Variants in NEK1 observed in about 807,000 individuals in gnomAD.
NEK1 encodes the protein NIMA related kinase 1, also known as serine/threonine-protein kinase Nek1.
NEK1 carries 137 observed loss-of-function variants against 182.1 expected under a neutral mutation model. The ratio of observed to expected loss-of-function variants is 0.75; its 90% CI spans 0.65 to 0.87. The LOEUF (loss-of-function observed/expected upper bound fraction) is 0.87. Among genes scored for constraint, NEK1 ranks in the 40% least tolerant of loss-of-function variants. NEK1 has a pLI of 0.00. For missense variants in NEK1, 1,391 were observed against 1,494.4 expected (o/e 0.93, Z 1.14); for synonymous variants, 513 against 492.2 (o/e 1.04, Z -0.56).
intron 4 of NEK1, among the ~76,000 whole-genome samples, chr4:169,600,186 T>C (rs1192463372): frequency 2.6e-5 from 4 of 152,106 alleles, no homozygotes; most frequent in Non-Finnish European, 5.9e-5. Context: ...GACTGTGCTA[T>C]GGCCTTATTT....
At chr4:169,573,817 G>A (rs1765248548) in intron 12 of NEK1, among the ~76,000 whole-genome samples, 1 of 152,194 alleles carries the variant, frequency 6.6e-6, no homozygotes, top group Non-Finnish European at 1.5e-5. Context: ...ATGGCCATAG[G>A]TGAGAGTTTC....
At chr4:169,459,265 T>C (rs1003422512) in intron 27 of NEK1, among the ~76,000 whole-genome samples, 9 of 152,116 alleles carry the variant, frequency 5.9e-5, no homozygotes, top group African/African-American at 1.9e-4. Flanking sequence ...AAGCAGCATA[T>C]AGTAAGAATC....
At chr4:169,551,926 T>C (rs1580708454) in intron 18 of NEK1, among the ~76,000 whole-genome samples, 1 of 152,122 alleles carries the variant, frequency 6.6e-6, no homozygotes, top group Admixed American at 6.5e-5. Flanking sequence ...TAGTTAGCTG[T>C]TGGTATTTTT....
At chr4:169,556,241 A>C in intron 16 of NEK1, 146 bp from the exon 17 acceptor site, 1 of 690,894 alleles carries the variant, frequency 1.4e-6, no homozygotes, top group Non-Finnish European at 2.2e-6. Flanking sequence ...ATAAAGCCTA[A>C]AGCAAAATGT....
rs1353628917 is a variant in NEK1 at position 169,562,215 on chromosome 4, T to C, written c.1021-19A>G. 2.7e-6 allele frequency: 4 copies of C among 1,492,524 alleles called. No homozygotes were observed. 92.5% of individuals were successfully genotyped at this position (1,492,524 alleles called of 1,614,324 possible). A position where few individuals can be genotyped will look rare whatever the true frequency, so the allele number is the denominator to read the frequency against. On this transcript the variant is annotated intron_variant, in intron 12 of 35. Coordinates refer to ENST00000507142, the MANE Select transcript of NEK1 (RefSeq NM_001199397.3). ...GATGGGCCTGGACAAAAAGTAAAAC[T>C]ACAAATTAAATAAAGATTTTGAGGC... is the stretch of plus-strand genomic sequence containing the variant.
At chr4:169,513,122 T>C (rs1754459511) in intron 19 of NEK1, among the ~76,000 whole-genome samples, 1 of 152,176 alleles carries the variant, frequency 6.6e-6, no homozygotes, top group South Asian at 2.1e-4. Flanking sequence ...CCTGTCTATA[T>C]TAAAAAATAT....
intron 32 of NEK1, among the ~76,000 whole-genome samples, chr4:169,405,621 G>A (rs1183134271): frequency 6.6e-6 from 1 of 152,084 alleles, no homozygotes; most frequent in Admixed American, 6.5e-5. Context: ...CATCATGCCA[G>A]TGCACTCCAG....
At chr4:169,515,302 T>C (rs1406408628) in intron 19 of NEK1, among the ~76,000 whole-genome samples, 1 of 152,140 alleles carries the variant, frequency 6.6e-6, no homozygotes, top group South Asian at 2.1e-4. Flanking sequence ...ATCCTGGTGG[T>C]TAGTGATGGT....
intron 12 of NEK1, among the ~76,000 whole-genome samples, chr4:169,571,628 G>A (rs1302407711): frequency 6.6e-6 from 1 of 152,160 alleles, no homozygotes; most frequent in Non-Finnish European, 1.5e-5. Flanking sequence ...AGGACAACAG[G>A]TTTGGCAAGG....
chr4:169,545,131 C>A (rs1368962668), intron 18 of NEK1, among the ~76,000 whole-genome samples: 1 of 149,376 alleles, frequency 6.7e-6, no homozygotes, highest in East Asian at 2.0e-4. Context: ...TATACATGTG[C>A]CATGCTGGTG....
At chr4:169,574,724 G>A (rs1281012453) in intron 12 of NEK1, among the ~76,000 whole-genome samples, 2 of 152,062 alleles carry the variant, frequency 1.3e-5, no homozygotes, top group Non-Finnish European at 2.9e-5. Flanking sequence ...GAGAATGGCA[G>A]GATCAGGCAG....
intron 23 of NEK1, among the ~76,000 whole-genome samples, chr4:169,496,107 G>A (rs1267739027): frequency 1.3e-5 from 2 of 152,116 alleles, no homozygotes; most frequent in African/African-American, 4.8e-5. Context: ...TCTCCTTGAA[G>A]AGGTCCTTCA....
At chr4:169,425,368 G>A (rs561838919) in intron 30 of NEK1, among the ~76,000 whole-genome samples, 28 of 151,364 alleles carry the variant, frequency 1.8e-4, no homozygotes, top group African/African-American at 6.3e-4. Flanking sequence ...GCTGCAGTGA[G>A]TTATCATCGC....
chr4:169,582,175 G>T (rs1409326713), intron 10 of NEK1, among the ~76,000 whole-genome samples: 2 of 151,720 alleles, frequency 1.3e-5, no homozygotes, highest in Admixed American at 6.6e-5. Context: ...TTTTTCAAGA[G>T]AACTGATTCT....
intron 30 of NEK1, among the ~76,000 whole-genome samples, chr4:169,425,442 G>GAAAA (rs35489092): frequency 2.0e-5 from 2 of 100,738 alleles, no homozygotes; most frequent in African/African-American, 6.1e-5. Context: ...CAAACAAAAT[G>GAAAA]AAAAAAAAAA....
intron 18 of NEK1, among the ~76,000 whole-genome samples, chr4:169,541,340 T>C (rs1055302351): frequency 6.6e-6 from 1 of 152,174 alleles, no homozygotes; most frequent in Non-Finnish European, 1.5e-5. Flanking sequence ...CTGTAATTTA[T>C]TAAAAAGTGG....
chr4:169,475,866 C>T (rs1381099725), intron 26 of NEK1, among the ~76,000 whole-genome samples: 1 of 151,994 alleles, frequency 6.6e-6, no homozygotes, highest in Admixed American at 6.6e-5. Context: ...AAAAGACTAT[C>T]ATCTATTAAA....
intron 23 of NEK1, among the ~76,000 whole-genome samples, chr4:169,504,061 A>G (rs1752834831): frequency 6.6e-6 from 1 of 152,174 alleles, no homozygotes; most frequent in Admixed American, 6.5e-5. Flanking sequence ...TAAAATGGGC[A>G]AAAGATCTAA....
chr4:169,608,112 C>T (rs894521664), intron 2 of NEK1, among the ~76,000 whole-genome samples: 34 of 101,516 alleles, frequency 3.3e-4, no homozygotes, highest in African/African-American at 9.5e-4. Flanking sequence ...GACACACACA[C>T]ACATACACAC....
Sources: allele counts gnomAD v4.1 joint callset (sites outside exome capture counted in the v4.1 genomes callset), GRCh38; gene constraint gnomAD v4.1.1; transcripts MANE v1.5; gene names NCBI Gene and HGNC (gene_info 2026-07-23, HGNC 2026-07-21).